SLC9A8: variants seen among roughly 807,000 people sequenced by gnomAD.
The protein encoded by SLC9A8 is solute carrier family 9 member A8, also known as sodium/hydrogen exchanger 8.
SLC9A8 carries 48 observed loss-of-function variants against 66.6 expected under a neutral mutation model. That is an observed-to-expected ratio of 0.72 (90% CI 0.57 to 0.92). SLC9A8 has a LOEUF of 0.92. Among genes scored for constraint, SLC9A8 ranks in the 40% least tolerant of loss-of-function variants. The pLI is 0.00. For missense variants in SLC9A8, 599 were observed against 747.3 expected, an observed-to-expected ratio of 0.80 and a Z score of 2.31; for synonymous variants, 274 against 282.6, an observed-to-expected ratio of 0.97 and a Z score of 0.31.
At chr20:49,836,866 C>G (rs2087556528) in intron 3 of SLC9A8, among the ~76,000 whole-genome samples, 1 of 152,130 alleles carries the variant, frequency 6.6e-6, no homozygotes, top group African/African-American at 2.4e-5. Context: ...AAAATTATAA[C>G]TGTGAAAGGA....
chr20:49,859,135 A>C (rs1032640288), intron 8 of SLC9A8, among the ~76,000 whole-genome samples: 28 of 152,130 alleles, frequency 1.8e-4, no homozygotes, highest in African/African-American at 6.0e-4. Context: ...CTCTTCCTCT[A>C]CCAGCAGCAC....
chr20:49,838,095 T>A (rs2146553201), intron 3 of SLC9A8, among the ~76,000 whole-genome samples: 1 of 152,244 alleles, frequency 6.6e-6, no homozygotes, highest in South Asian at 2.1e-4. Flanking sequence ...CTGGTACTGT[T>A]GAGTTAAATA....
chr20:49,851,393 A>C (rs535857587), intron 7 of SLC9A8, among the ~76,000 whole-genome samples: 1 of 152,258 alleles, frequency 6.6e-6, no homozygotes, highest in South Asian at 2.1e-4. Context: ...GTGAGAAGCA[A>C]CCTCACTAGG....
At chr20:49,860,062 G>A (rs1470093145) in intron 8 of SLC9A8, among the ~76,000 whole-genome samples, 1 of 152,192 alleles carries the variant, frequency 6.6e-6, no homozygotes, top group African/African-American at 2.4e-5. Context: ...ACCAGCCTGG[G>A]TACCTGCTGT....
At chr20:49,865,919 A>G (rs73125664) in intron 10 of SLC9A8, among the ~76,000 whole-genome samples, 5 of 152,152 alleles carry the variant, frequency 3.3e-5, no homozygotes, top group African/African-American at 1.2e-4. Context: ...GGATGTTTTG[A>G]TCTGTGCCAC....
intron 5 of SLC9A8, among the ~76,000 whole-genome samples, chr20:49,846,745 C>G (rs972106020): frequency 1.1e-4 from 16 of 151,986 alleles, no homozygotes; most frequent in African/African-American, 3.1e-4. Flanking sequence ...GAAACCCCAT[C>G]TCTACTAAAC....
rs1329719046 is a variant in SLC9A8, at chr20:49,888,244, C to T, written c.*308C>T. On this transcript the variant is annotated 3_prime_UTR_variant, in exon 16 of 16. Transcript: ENST00000361573. ...GCCAGTCATCTGTGAAGCTAGGGCG[C>T]CTACCCCCCCACCCGGAGGACCCCT... 1.2e-5 allele frequency: 4 copies of T among 321,606 alleles called. No homozygotes were observed. The highest frequency in any genetic ancestry group is 8.9e-5 in the East Asian group (1 of 11,256). 19.9% of individuals were successfully genotyped at this position (321,606 alleles called of 1,614,324 possible). A position where few individuals can be genotyped will look rare whatever the true frequency, so the allele number is the denominator to read the frequency against.
chr20:49,859,616 A>G (rs558428674), intron 8 of SLC9A8, among the ~76,000 whole-genome samples: 1 of 152,188 alleles, frequency 6.6e-6, no homozygotes, highest in East Asian at 1.9e-4. Flanking sequence ...GAGCTGACAC[A>G]TTTATCTTTG....
intron 6 of SLC9A8, 69 bp from the exon 7 acceptor site, chr20:49,850,741 T>G: frequency 1.3e-6 from 2 of 1,590,372 alleles, no homozygotes; most frequent in Non-Finnish European, 1.7e-6. Flanking sequence ...AATGGACATT[T>G]AAATCTTGGC....
intron 5 of SLC9A8, among the ~76,000 whole-genome samples, chr20:49,845,388 A>C (rs1228478811): frequency 1.3e-5 from 2 of 152,232 alleles, no homozygotes; most frequent in African/African-American, 4.8e-5. Flanking sequence ...AGATGGCTGA[A>C]GTGATGTTAA....
At chr20:49,814,183 C>T (rs947592078) in intron 1 of SLC9A8, among the ~76,000 whole-genome samples, 1 of 152,086 alleles carries the variant, frequency 6.6e-6, no homozygotes, top group African/African-American at 2.4e-5. Context: ...TATAGCCCAG[C>T]GATTTCAAGT....
chr20:49,856,234 G>A (rs1215066650), intron 8 of SLC9A8, among the ~76,000 whole-genome samples: 1 of 152,170 alleles, frequency 6.6e-6, no homozygotes, highest in Non-Finnish European at 1.5e-5. Context: ...TGAGTCCCAA[G>A]ACCATGGGTT....
chr20:49,874,924 C>T (rs1318511739), intron 11 of SLC9A8, 103 bp downstream of exon 11: 3 of 800,754 alleles, frequency 3.7e-6, no homozygotes, highest in Non-Finnish European at 6.7e-6. Context: ...GGCAGCAGGG[C>T]AGCAGCTCCT....
chr20:49,830,648 G>C (rs2087137645), intron 3 of SLC9A8: 2 of 633,776 alleles, frequency 3.2e-6, no homozygotes, highest in African/African-American at 1.8e-5. Context: ...CTGGAGACAG[G>C]GGCCTATAGG....
chr20:49,881,726 A>G (rs926541484), intron 13 of SLC9A8, among the ~76,000 whole-genome samples: 6 of 152,182 alleles, frequency 3.9e-5, no homozygotes, highest in African/African-American at 1.4e-4. Flanking sequence ...CTCTTCTTTC[A>G]AAAGGCCATG....
At chr20:49,850,711 A>G in intron 6 of SLC9A8, 99 bp from the exon 7 acceptor site, 1 of 1,469,948 alleles carries the variant, frequency 6.8e-7, no homozygotes, top group Non-Finnish European at 9.3e-7. Flanking sequence ...TAATGTCCTT[A>G]TTAGTTTTAA....
At chr20:49,874,934 T>C in intron 11 of SLC9A8, 113 bp downstream of exon 11, 1 of 758,214 alleles carries the variant, frequency 1.3e-6, no homozygotes, top group Non-Finnish European at 2.4e-6. Context: ...CAGCAGCTCC[T>C]CAGAGCCAGA....
intron 10 of SLC9A8, among the ~76,000 whole-genome samples, chr20:49,870,804 G>T (rs2089182010): frequency 6.6e-6 from 1 of 152,188 alleles, no homozygotes. Context: ...CCAGGTTTAG[G>T]TGATCCTTCC....
At position 49,812,911 on chromosome 20, in the gene SLC9A8, A is replaced by G. The variant is rs2054635190; in HGVS notation, c.-12A>G. 5 of 1,491,444 alleles carry G rather than the reference A, an allele frequency of 3.4e-6. No homozygotes were observed. Among genetic ancestry groups the G allele is most frequent in the Non-Finnish European group, 4.5e-6 (5 of 1,121,520 alleles). The allele number at this position is 1,491,444 out of a possible 1,614,324, so 92.4% of individuals were successfully genotyped here. A position where few individuals can be genotyped will look rare whatever the true frequency, so the allele number is the denominator to read the frequency against. ...GCGGCTCCGAACTCGGTGGTCCTGG[A>G]AGCTCCGCAGGATGGGGGAGAAGAT... On this transcript the variant is annotated 5_prime_UTR_variant, in exon 1 of 16. Transcript: ENST00000361573.
Sources: gnomAD v4.1 joint callset for allele counts (sites outside exome capture counted in the v4.1 genomes callset) on GRCh38, gnomAD v4.1.1 for gene constraint, MANE v1.5 for transcripts, NCBI Gene and HGNC (gene_info 2026-07-23, HGNC 2026-07-21) for gene names.